CUL1: variants seen among roughly 807,000 people sequenced by gnomAD.
CUL1 encodes cullin 1, also known as cullin-1.
Under a neutral mutation model 118.0 loss-of-function variants are expected in CUL1, and 24 were observed. The observed-to-expected ratio is 0.20, with a 90% CI of 0.15 to 0.29. The LOEUF (loss-of-function observed/expected upper bound fraction) is 0.29. CUL1 is among the 10% of genes least tolerant of loss of function. The pLI is 1.00. For synonymous variants in CUL1, 332 were observed against 340.4 expected, an observed-to-expected ratio of 0.98 and a Z score of 0.27; for missense variants, 361 against 933.8, an observed-to-expected ratio of 0.39 and a Z score of 7.99.
intron 2 of CUL1, among the ~76,000 whole-genome samples, chr7:148,751,704 A>G (rs1047376714): frequency 6.6e-6 from 1 of 152,160 alleles, no homozygotes; most frequent in African/African-American, 2.4e-5. Context: ...CCACCAAGAG[A>G]GTTGATGAAG....
intron 12 of CUL1, 99 bp from the exon 13 acceptor site, chr7:148,786,890 G>T: frequency 6.7e-7 from 1 of 1,486,560 alleles, no homozygotes; most frequent in Non-Finnish European, 9.1e-7. Flanking sequence ...AAAGCCAAAG[G>T]CACATCTTGG....
At chr7:148,768,643 C>T (rs1322586317) in intron 9 of CUL1, among the ~76,000 whole-genome samples, 1 of 152,016 alleles carries the variant, frequency 6.6e-6, no homozygotes, top group Non-Finnish European at 1.5e-5. Context: ...CCTTGGCCTC[C>T]CAAAGTGCTG....
chr7:148,736,111 C>A (rs1012279185), intron 2 of CUL1, among the ~76,000 whole-genome samples: 1 of 151,950 alleles, frequency 6.6e-6, no homozygotes, highest in African/African-American at 2.4e-5. Flanking sequence ...GAGGTCGAGG[C>A]TGCAGTGAGT....
At chr7:148,796,313 G>A (rs931026864) in intron 17 of CUL1, among the ~76,000 whole-genome samples, 6 of 152,188 alleles carry the variant, frequency 3.9e-5, no homozygotes, top group Non-Finnish European at 8.8e-5. Context: ...CTTAGGGTGA[G>A]TCCCACTTGG....
At chr7:148,722,392 A>C (rs243523) in intron 1 of CUL1, among the ~76,000 whole-genome samples, 34,340 of 152,086 alleles carry the variant, frequency 0.23, 4,840 homozygotes, top group Non-Finnish European at 0.3. Context: ...CTCATCCATG[A>C]ATGCGAAACT....
chr7:148,715,839 TTATC>T lies in CUL1; in HGVS notation c.-161-14119_-161-14116del, dbSNP rs535180472. The stretch of plus-strand genomic sequence containing the variant: ...CTAGTTTCAGGCTTCTTCTCGTAAC[TTATC>T]TATTTCTGTTAATCCTCACTTTCTT... On this transcript the variant is annotated intron_variant, in intron 1 of 21. Transcript: ENST00000325222. Among the ~76,000 whole-genome samples, 3 of 152,362 alleles carry T rather than the reference TTATC, an allele frequency of 2.0e-5. No homozygotes were observed. The South Asian group carries it at 6.2e-4, about 32-fold the overall frequency.
chr7:148,772,415 A>G (rs1800243000), intron 9 of CUL1, among the ~76,000 whole-genome samples: 1 of 58,970 alleles, frequency 1.7e-5, no homozygotes, highest in African/African-American at 1.4e-4. Context: ...ACTCCGTCTC[A>G]AAAAAAAAAC....
At chr7:148,783,672 GTATCTATAGCTTT>G (rs1172012110) in intron 9 of CUL1, 98 bp from the exon 10 acceptor site, 1 of 1,559,798 alleles carries the variant, frequency 6.4e-7, no homozygotes, top group Non-Finnish European at 8.7e-7. Context: ...CTTTGAAAAG[GTATCTATAGCTTT>G]TAGAATATTT....
intron 1 of CUL1, among the ~76,000 whole-genome samples, chr7:148,705,732 A>G (rs760603590): frequency 6.6e-6 from 1 of 152,156 alleles, no homozygotes; most frequent in Non-Finnish European, 1.5e-5. Flanking sequence ...CCCAAGTGGA[A>G]TTCAGGGAAT....
intron 21 of CUL1, 55 bp downstream of exon 21, chr7:148,799,443 T>C: frequency 7.9e-7 from 1 of 1,259,234 alleles, no homozygotes; most frequent in South Asian, 1.3e-5. Flanking sequence ...AGATAAAAGA[T>C]GTAGCAAAAA....
chr7:148,790,110 A>G (rs570786801), intron 15 of CUL1, among the ~76,000 whole-genome samples, 200 bp from the exon 16 acceptor site: 2 of 152,358 alleles, frequency 1.3e-5, no homozygotes, highest in East Asian at 3.9e-4. Flanking sequence ...GCTGGTCTTG[A>G]AGTACAAACC....
chr7:148,800,088 A>G lies in CUL1; in HGVS notation c.2251-414A>G, dbSNP rs1801334954. 6.6e-6 allele frequency among the ~76,000 whole-genome samples: 1 copy of G among 152,192 alleles called. No individual in the cohort carries two copies. Among genetic ancestry groups the G allele is most frequent in the Non-Finnish European group, 1.5e-5 (1 of 68,038 alleles). On this transcript the variant is annotated intron_variant, in intron 21 of 21. Coordinates refer to ENST00000325222, the MANE Select transcript of CUL1 (RefSeq NM_003592.3). This position sits in a 1 kb window ranked among gnomAD's most constrained non-coding sequence, Gnocchi z 4.6. Reference sequence around the variant, plus strand: ...AGGCCCAGTGTCCCTCCTGGGTTACATTTGGCACAGGTGCCAGTTCGTTCA... The same window carrying G: ...AGGCCCAGTGTCCCTCCTGGGTTACGTTTGGCACAGGTGCCAGTTCGTTCA...
intron 2 of CUL1, among the ~76,000 whole-genome samples, chr7:148,746,970 A>G (rs1799327629): frequency 6.6e-6 from 1 of 152,138 alleles, no homozygotes; most frequent in African/African-American, 2.4e-5. Context: ...GCTTGTTACG[A>G]GTTTTTTGCC....
At chr7:148,767,584 T>C (rs1159488653) in intron 8 of CUL1, 35 bp from the exon 9 acceptor site, 2 of 1,605,378 alleles carry the variant, frequency 1.2e-6, no homozygotes, top group Non-Finnish European at 1.7e-6. Context: ...GCAAAATTTT[T>C]TTCAGTGCAT....
At chr7:148,772,341 G>C (rs1352371396) in intron 9 of CUL1, among the ~76,000 whole-genome samples, 1 of 151,648 alleles carries the variant, frequency 6.6e-6, no homozygotes, top group Non-Finnish European at 1.5e-5. Context: ...CTTGAACCTG[G>C]AAGTCGGAGG....
chr7:148,726,751 T>C (rs1462728999), intron 1 of CUL1, among the ~76,000 whole-genome samples: 1 of 151,994 alleles, frequency 6.6e-6, no homozygotes, highest in Non-Finnish European at 1.5e-5. Context: ...TTGCCAGTGA[T>C]TGTATTTGGC....
intron 1 of CUL1, among the ~76,000 whole-genome samples, chr7:148,728,286 A>G (rs1475756267): frequency 6.6e-6 from 1 of 151,840 alleles, no homozygotes; most frequent in Non-Finnish European, 1.5e-5. Flanking sequence ...TCAGTTGCTG[A>G]TAGAAATTAT....
rs1798078555 is a variant in CUL1, at chr7:148,712,354, A to G, written c.-162+13325A>G. 2.6e-5 allele frequency among the ~76,000 whole-genome samples: 4 copies of G among 152,194 alleles called. 1 individual carries two copies. In the South Asian group the frequency reaches 8.3e-4, roughly 32 times the overall value. Reference sequence around the variant, plus strand: ...AAGATAGAGTGATATTTCAAGGAAAATTTAACTCTGTCACAGCTTAGGCTG... The same window carrying G: ...AAGATAGAGTGATATTTCAAGGAAAGTTTAACTCTGTCACAGCTTAGGCTG... On this transcript the variant is annotated intron_variant, in intron 1 of 21. Coordinates refer to ENST00000325222, the MANE Select transcript of CUL1 (RefSeq NM_003592.3).
chr7:148,754,171 ACT>A, intron 3 of CUL1, 21 bp downstream of exon 3: 2 of 1,441,280 alleles, frequency 1.4e-6, no homozygotes, highest in Non-Finnish European at 1.9e-6. Context: ...TTATATATAT[ACT>A]GAGTATTCAT....
Sources: gnomAD v4.1 joint callset for allele counts (sites outside exome capture counted in the v4.1 genomes callset) on GRCh38, gnomAD v4.1.1 for gene constraint, Gnocchi (gnomAD v3.1) non-coding constraint, MANE v1.5 for transcripts, NCBI Gene and HGNC (gene_info 2026-07-23, HGNC 2026-07-21) for gene names.